Variants in ASCC3 observed in about 807,000 individuals in gnomAD.
ASCC3 encodes ASC-1 complex subunit P200.
ASCC3 carries 158 observed loss-of-function variants against 256.3 expected under a neutral mutation model. The observed-to-expected ratio is 0.62, with a 90% CI of 0.54 to 0.70. The LOEUF (loss-of-function observed/expected upper bound fraction) is 0.70. Ranked by LOEUF, ASCC3 falls within the 30% of genes least tolerant of loss-of-function variation. ASCC3 has a pLI of 0.00. For missense variants in ASCC3, 2,259 were observed against 2,626.0 expected, an observed-to-expected ratio of 0.86 and a Z score of 3.05; for synonymous variants, 948 against 883.4, an observed-to-expected ratio of 1.07 and a Z score of -1.30.
intron 6 of ASCC3, among the ~76,000 whole-genome samples, chr6:100,799,821 GC>G (rs111975725): frequency 6.6e-6 from 1 of 151,980 alleles, no homozygotes; most frequent in East Asian, 1.9e-4. Context: ...TTCCAATTTT[GC>G]TTTTTCACAA....
chr6:100,771,535 T>C (rs1212141606), intron 8 of ASCC3, among the ~76,000 whole-genome samples: 4 of 18,594 alleles, frequency 2.2e-4, no homozygotes, highest in South Asian at 0.014. Flanking sequence ...TGCTTATACG[T>C]AGAATAAAAA....
At position 100,534,431 on chromosome 6, in the gene ASCC3, T is replaced by C. The variant is rs1031855396; in HGVS notation, c.5775+5732A>G. Among the ~76,000 whole-genome samples the C allele has an allele frequency of 2.0e-5, 3 of 152,218 alleles. No individual in the cohort carries two copies. The South Asian group carries it at 6.2e-4, about 31-fold the overall frequency. On this transcript the variant is annotated intron_variant, in intron 37 of 41. Transcript: ENST00000369162. ...TTTAATTTTTCCATAAGAGCTAACATGAAGCTTTTCTTTGGCATATCCAGT... is the reference window on the plus strand; with the variant it reads ...TTTAATTTTTCCATAAGAGCTAACACGAAGCTTTTCTTTGGCATATCCAGT...
intron 14 of ASCC3, among the ~76,000 whole-genome samples, chr6:100,668,051 C>T (rs931015591): frequency 6.6e-6 from 1 of 152,026 alleles, no homozygotes; most frequent in Non-Finnish European, 1.5e-5. Flanking sequence ...TGCCAACTAC[C>T]TGTTTTTGTA....
At chr6:100,524,219 G>A (rs1774450449) in intron 37 of ASCC3, among the ~76,000 whole-genome samples, 1 of 151,860 alleles carries the variant, frequency 6.6e-6, no homozygotes, top group Non-Finnish European at 1.5e-5. Context: ...AAGAATCTGA[G>A]GTGGCTTACA....
chr6:100,627,628 C>G lies in ASCC3; in HGVS notation c.4604G>C (p.Cys1535Ser). 6.2e-7 allele frequency: 1 copy of G among 1,613,528 alleles called. No individual in the cohort carries two copies. The highest frequency in any genetic ancestry group is 8.5e-7 in the Non-Finnish European group (1 of 1,179,704). ...HIQGFPGQHYCPRMASMNKPA... is the reference protein window; with the variant it reads ...HIQGFPGQHYSPRMASMNKPA... Reference sequence around the variant, plus strand: ...CTTGTTCATACTAGCCATACGAGGACAGTAATGTTGACCTGGAAAGCCTTG... The same window carrying G: ...CTTGTTCATACTAGCCATACGAGGAGAGTAATGTTGACCTGGAAAGCCTTG... The change falls in exon 29 of 42, where the codon TGT becomes TCT. Residue 1535 changes from cysteine (C) to serine (S), a missense_variant. By Grantham distance (112) the Cys-to-Ser change is moderately radical (BLOSUM62 -1). Around this residue, in one of 2 missense-constraint regions of ASCC3, gnomAD observed 1,839 missense variants for 2,206.7 expected, o/e 0.83. Transcript: ENST00000369162.
At chr6:100,747,097 G>T (rs1295138529) in intron 10 of ASCC3, among the ~76,000 whole-genome samples, 1 of 148,878 alleles carries the variant, frequency 6.7e-6, no homozygotes, top group Admixed American at 6.7e-5. Flanking sequence ...CAGGGCAAAA[G>T]ACTTGAATAC....
At chr6:100,609,882 C>G (rs1773306181) in intron 30 of ASCC3, among the ~76,000 whole-genome samples, 1 of 152,070 alleles carries the variant, frequency 6.6e-6, no homozygotes, top group Non-Finnish European at 1.5e-5. Context: ...TGCATTCCAG[C>G]CTGGGCAACA....
chr6:100,805,716 G>A (rs1770145810), intron 5 of ASCC3, 44 bp downstream of exon 5: 1 of 1,596,008 alleles, frequency 6.3e-7, no homozygotes, highest in Non-Finnish European at 8.5e-7. Context: ...GCTAACCAAT[G>A]AATATTTCCT....
At position 100,612,732 on chromosome 6, in the gene ASCC3, T is replaced by C. The variant is rs116374808; in HGVS notation, c.4786-5644A>G. Among the ~76,000 whole-genome samples, 1,093 of 152,136 alleles carry C rather than the reference T, an allele frequency of 7.2e-3. 11 individuals are homozygous for C. The highest frequency in any genetic ancestry group is 0.024 in the African/African-American group (1,018 of 41,564). On this transcript the variant is annotated intron_variant, in intron 30 of 41. Transcript: ENST00000369162. ...AACAATGAAACATTTTACAGCATTC[T>C]ACTGATACACTAATAAAAAAGAATT...
chr6:100,659,114 T>C (rs1008820850), intron 16 of ASCC3, among the ~76,000 whole-genome samples: 11 of 151,430 alleles, frequency 7.3e-5, no homozygotes, highest in Admixed American at 2.0e-4. Context: ...CCAGTTCTCC[T>C]AAACTAATAG....
intron 3 of ASCC3, among the ~76,000 whole-genome samples, chr6:100,862,124 A>T (rs1357537768): frequency 3.3e-5 from 5 of 152,328 alleles, no homozygotes; most frequent in African/African-American, 1.2e-4. Flanking sequence ...AGGAGGGTTA[A>T]GATCCTAGTC....
chr6:100,606,566 T>C (rs1772898494), intron 32 of ASCC3, among the ~76,000 whole-genome samples, 174 bp downstream of exon 32: 1 of 152,160 alleles, frequency 6.6e-6, no homozygotes, highest in African/African-American at 2.4e-5. Flanking sequence ...ACAGCAGCAA[T>C]ATTTTGTATA....
intron 10 of ASCC3, among the ~76,000 whole-genome samples, chr6:100,758,573 C>G (rs777158505): frequency 1.3e-5 from 2 of 152,190 alleles, no homozygotes; most frequent in Non-Finnish European, 2.9e-5. Context: ...TGATCTCATT[C>G]CTTTTTATGG....
At chr6:100,707,906 G>C (rs1190647398) in intron 13 of ASCC3, among the ~76,000 whole-genome samples, 1 of 152,016 alleles carries the variant, frequency 6.6e-6, no homozygotes, top group Non-Finnish European at 1.5e-5. Context: ...GTGCAAAATA[G>C]AACATACCTT....
intron 14 of ASCC3, among the ~76,000 whole-genome samples, chr6:100,663,337 G>A (rs902218897): frequency 6.6e-6 from 1 of 152,032 alleles, no homozygotes; most frequent in African/African-American, 2.4e-5. Flanking sequence ...AACAAATCAT[G>A]TTTTAAGTTA....
chr6:100,768,003 T>G (rs1426590191), intron 8 of ASCC3, among the ~76,000 whole-genome samples: 1 of 152,160 alleles, frequency 6.6e-6, no homozygotes, highest in Non-Finnish European at 1.5e-5. Context: ...TTCATATTCA[T>G]TTATAAATTT....
At chr6:100,770,311 A>G (rs550857618) in intron 8 of ASCC3, among the ~76,000 whole-genome samples, 1 of 152,098 alleles carries the variant, frequency 6.6e-6, no homozygotes, top group Admixed American at 6.5e-5. Context: ...GTAGAGGAGA[A>G]TCCCTCAACC....
intron 34 of ASCC3, among the ~76,000 whole-genome samples, chr6:100,592,928 C>A (rs1772081080): frequency 6.6e-6 from 1 of 152,046 alleles, no homozygotes; most frequent in Non-Finnish European, 1.5e-5. Context: ...ATTGAATCAT[C>A]AAGTCATTAT....
chr6:100,872,469 C>CGGGGGG (rs757129669), intron 1 of ASCC3, among the ~76,000 whole-genome samples: 1 of 128,782 alleles, frequency 7.8e-6, no homozygotes, highest in African/African-American at 3.0e-5. Context: ...AAAAAAGGGT[C>CGGGGGG]GGGGGGGGAT....
Sources: allele counts gnomAD v4.1 joint callset (sites outside exome capture counted in the v4.1 genomes callset), GRCh38; gene constraint gnomAD v4.1.1; regional missense constraint gnomAD v4.1.1; transcripts MANE v1.5; gene names NCBI Gene and HGNC (gene_info 2026-07-23, HGNC 2026-07-21).